The following HS3ST2 variants were observed in gnomAD, a reference collection of about 807,000 sequenced individuals.
HS3ST2 encodes the protein heparan sulfate-glucosamine 3-sulfotransferase 2, also known as heparan sulfate glucosamine 3-O-sulfotransferase 2.
A neutral mutation model predicts 26.3 loss-of-function variants in HS3ST2; 17 were observed. The ratio of observed to expected loss-of-function variants is 0.65; its 90% CI spans 0.44 to 0.97. HS3ST2 has a LOEUF of 0.97. Among genes scored for constraint, HS3ST2 ranks in the 50% least tolerant of loss-of-function variants. The pLI is 0.00. For synonymous variants in HS3ST2, 237 were observed against 219.2 expected (o/e 1.08, Z -0.72); for missense variants, 402 against 501.2 (o/e 0.80, Z 1.89).
intron 1 of HS3ST2, among the ~76,000 whole-genome samples, chr16:22,900,977 G>A (rs1021897023): frequency 7.2e-5 from 11 of 152,296 alleles, no homozygotes; most frequent in African/African-American, 2.6e-4. Flanking sequence ...TGAAGGGATA[G>A]ATAGCTGGTT....
intron 1 of HS3ST2, among the ~76,000 whole-genome samples, chr16:22,863,874 G>A (rs1341247843): frequency 2.0e-5 from 3 of 152,182 alleles, no homozygotes; most frequent in Non-Finnish European, 4.4e-5. Flanking sequence ...CCAACACTCA[G>A]TGCTCCACAG....
chr16:22,915,827 TA>T lies in HS3ST2; in HGVS notation c.*268del. ...CCAGAATCATTCTCCTTTCTGCCCA[TA>T]AAGGGCCTTGGAGAATTGCTTTAAG... On this transcript the variant is annotated 3_prime_UTR_variant, in exon 2 of 2. Coordinates refer to ENST00000261374, the MANE Select transcript of HS3ST2 (RefSeq NM_006043.2). The T allele has an allele frequency of 2.0e-6, 1 of 488,190 alleles. No homozygotes were observed. The highest frequency in any genetic ancestry group is 3.5e-5 in the East Asian group (1 of 28,560). The allele number at this position is 488,190 out of a possible 1,614,324, so 30.2% of individuals were successfully genotyped here.
chr16:22,847,820 A>G (rs564371317), intron 1 of HS3ST2, among the ~76,000 whole-genome samples: 4 of 151,264 alleles, frequency 2.6e-5, no homozygotes, highest in African/African-American at 7.3e-5. Context: ...GGAGGAGGAG[A>G]AGAAAGAAAA....
chr16:22,888,014 G>A (rs938946098), intron 1 of HS3ST2, among the ~76,000 whole-genome samples: 3 of 152,186 alleles, frequency 2.0e-5, no homozygotes, highest in Admixed American at 2.0e-4. Flanking sequence ...TTGTTCTTCA[G>A]TTGGGACAAC....
chr16:22,831,074 A>G (rs944839467), intron 1 of HS3ST2, among the ~76,000 whole-genome samples: 1 of 152,226 alleles, frequency 6.6e-6, no homozygotes, highest in Admixed American at 6.5e-5. Flanking sequence ...GAGATCAAAA[A>G]CTATTAGAAA....
intron 1 of HS3ST2, among the ~76,000 whole-genome samples, chr16:22,882,971 C>T (rs1390667288): frequency 6.7e-6 from 1 of 150,260 alleles, no homozygotes; most frequent in Non-Finnish European, 1.5e-5. Context: ...GCAGAGGTTG[C>T]AGTGAGCTGA....
chr16:22,831,587 T>C (rs1219402013), intron 1 of HS3ST2, among the ~76,000 whole-genome samples: 6 of 128,948 alleles, frequency 4.7e-5, no homozygotes, highest in Non-Finnish European at 9.7e-5. Flanking sequence ...ACCTGAGGGC[T>C]AACCCATTTT....
chr16:22,869,191 A>G (rs568842168), intron 1 of HS3ST2, among the ~76,000 whole-genome samples: 21 of 152,222 alleles, frequency 1.4e-4, no homozygotes, highest in African/African-American at 5.1e-4. Context: ...TCTCTTCCTG[A>G]TAGAGACCTC....
At chr16:22,889,051 T>C (rs1596627218) in intron 1 of HS3ST2, among the ~76,000 whole-genome samples, 2 of 152,232 alleles carry the variant, frequency 1.3e-5, no homozygotes, top group African/African-American at 4.8e-5. Context: ...AACTGGTTGA[T>C]GAAACTGTAT....
chr16:22,814,300 C>G lies in HS3ST2; in HGVS notation c.-311C>G, dbSNP rs1419301719. 2 of 286,610 alleles carry G rather than the reference C, an allele frequency of 7.0e-6. No individual in the cohort carries two copies. The highest frequency in any genetic ancestry group is 1.0e-4 in the Admixed American group (2 of 19,074). 17.8% of individuals were successfully genotyped at this position (286,610 alleles called of 1,614,324 possible). A position where few individuals can be genotyped will look rare whatever the true frequency, so the allele number is the denominator to read the frequency against. On this transcript the variant is annotated 5_prime_UTR_variant, in exon 1 of 2. Transcript: ENST00000261374. Reference sequence around the variant, plus strand: ...CAGGAATGGGGCTTCGGGCGCTGGGCGCGCTCCGAACCCGGCGCACGTAAG... The same window carrying G: ...CAGGAATGGGGCTTCGGGCGCTGGGGGCGCTCCGAACCCGGCGCACGTAAG...
chr16:22,866,614 A>G (rs374689624), intron 1 of HS3ST2, among the ~76,000 whole-genome samples: 64 of 152,172 alleles, frequency 4.2e-4, no homozygotes, highest in African/African-American at 1.4e-3. Flanking sequence ...TACAAAGGGC[A>G]ACATGGCAAG....
At chr16:22,874,486 A>G (rs1901884213) in intron 1 of HS3ST2, among the ~76,000 whole-genome samples, 1 of 152,144 alleles carries the variant, frequency 6.6e-6, no homozygotes, top group South Asian at 2.1e-4. Context: ...TTTCCCAGCG[A>G]TCACGTCTGA....
At position 22,915,745 on chromosome 16, in the gene HS3ST2, A is replaced by G; in HGVS notation, c.*183A>G. On this transcript the variant is annotated 3_prime_UTR_variant, in exon 2 of 2. Coordinates refer to ENST00000261374, the MANE Select transcript of HS3ST2 (RefSeq NM_006043.2). ...AAGAGACCAGAGAGTCCCTGCCACTAGTTTTCATCAGTCTGTTCAAGCAAA... is the reference window on the plus strand; with the variant it reads ...AAGAGACCAGAGAGTCCCTGCCACTGGTTTTCATCAGTCTGTTCAAGCAAA... The G allele has an allele frequency of 1.6e-6, 1 of 637,162 alleles. No individual in the cohort carries two copies. Among genetic ancestry groups the G allele is most frequent in the Non-Finnish European group, 2.7e-6 (1 of 365,896 alleles). 39.5% of individuals were successfully genotyped at this position (637,162 alleles called of 1,614,324 possible).
At chr16:22,848,569 T>A (rs796076541) in intron 1 of HS3ST2, among the ~76,000 whole-genome samples, 2 of 152,202 alleles carry the variant, frequency 1.3e-5, no homozygotes, top group Non-Finnish European at 2.9e-5. Context: ...TTGTGAAATA[T>A]GCTCCTTTGA....
At chr16:22,891,371 A>G (rs1902126721) in intron 1 of HS3ST2, among the ~76,000 whole-genome samples, 1 of 152,146 alleles carries the variant, frequency 6.6e-6, no homozygotes, top group South Asian at 2.1e-4. Context: ...ATCCCCTTTA[A>G]TGGGGAAGCT....
In HS3ST2 at chr16:22,915,119, A is replaced by G. The variant is rs1299402193; in HGVS notation, c.661A>G (p.Lys221Glu). The G allele has an allele frequency of 6.2e-7, 1 of 1,613,768 alleles. No homozygotes were observed. The highest frequency in any genetic ancestry group is 8.5e-7 in the Non-Finnish European group (1 of 1,179,958). The part of the protein sequence containing the change: ...AISDYTQTLS[K>E]KPDIPTFEGL... ...CTCTGATTACACGCAGACACTCTCC[A>G]AGAAGCCCGACATCCCGACCTTTGA... Residue 221 changes from lysine to glutamate, a missense_variant, in exon 2 of 2, where the codon AAG (lysine) becomes GAG (glutamate). Coordinates refer to ENST00000261374, the MANE Select transcript of HS3ST2 (RefSeq NM_006043.2).
chr16:22,852,050 C>T (rs534975308), intron 1 of HS3ST2, among the ~76,000 whole-genome samples: 29 of 152,290 alleles, frequency 1.9e-4, no homozygotes, highest in African/African-American at 6.3e-4. Flanking sequence ...CAGTGGTTCT[C>T]GACTGAAAGT....
rs1902091652 is a variant in HS3ST2 at position 22,888,393 on chromosome 16, C to CTTTTTTTTCT, written c.486-26543_486-26542insCTTTTTTTTT. 1.2e-3 allele frequency among the ~76,000 whole-genome samples: 107 copies of CTTTTTTTTCT among 91,394 alleles called. 2 individuals carry two copies. Among genetic ancestry groups the CTTTTTTTTCT allele is most frequent in the South Asian group, 2.2e-3 (6 of 2,706 alleles). The allele number at this position is 91,394 out of a possible 152,430, so 60.0% of individuals were successfully genotyped here. A position where few individuals can be genotyped will look rare whatever the true frequency, so the allele number is the denominator to read the frequency against. ...CTTTTCTTTTTTTTTTTTTTTTTTTCTTTTTTTTTTTGAGACAGAGTCTTG... is the reference window on the plus strand; with the variant it reads ...CTTTTCTTTTTTTTTTTTTTTTTTTCTTTTTTTTCTTTTTTTTTTTTGAGACAGAGTCTTG... On this transcript the variant is annotated intron_variant, in intron 1 of 1. Transcript: ENST00000261374.
At chr16:22,824,727 C>A (rs1361725911) in intron 1 of HS3ST2, among the ~76,000 whole-genome samples, 2 of 152,176 alleles carry the variant, frequency 1.3e-5, no homozygotes, top group Non-Finnish European at 2.9e-5. Context: ...AGAAAATGGT[C>A]CCTGGAATTT....
Sources: gnomAD v4.1 joint callset for allele counts (sites outside exome capture counted in the v4.1 genomes callset) on GRCh38, gnomAD v4.1.1 for gene constraint, MANE v1.5 for transcripts, NCBI Gene and HGNC (gene_info 2026-07-23, HGNC 2026-07-21) for gene names.